ACAP1: variants seen among roughly 807,000 people sequenced by gnomAD.
The protein encoded by ACAP1 is arf-GAP with coiled-coil, ANK repeat and PH domain-containing protein 1.
ACAP1 carries 45 observed loss-of-function variants against 98.8 expected under a neutral mutation model. The ratio of observed to expected loss-of-function variants is 0.46; its 90% CI spans 0.36 to 0.58. ACAP1 has a LOEUF of 0.58. Among genes scored for constraint, ACAP1 ranks in the 20% least tolerant of loss-of-function variants. The pLI, the probability that ACAP1 is intolerant of heterozygous loss-of-function variation, is 0.00. For synonymous variants in ACAP1, 362 were observed against 375.3 expected (o/e 0.96, Z 0.41); for missense variants, 735 against 971.4 (o/e 0.76, Z 3.24).
At chr17:7,351,055 GGTCCACGGTGA>G (rs1431130667) in intron 21 of ACAP1, 56 bp downstream of exon 21, 1 of 1,544,776 alleles carries the variant, frequency 6.5e-7, no homozygotes, top group Non-Finnish European at 8.9e-7. Context: ...CTGGGCTTCT[GGTCCACGGTGA>G]CCTCTCTCCC....
chr17:7,340,395 C>T (rs1043472942), intron 2 of ACAP1, among the ~76,000 whole-genome samples: 2 of 152,200 alleles, frequency 1.3e-5, no homozygotes, highest in African/African-American at 4.8e-5. Context: ...CAGTCTGTCA[C>T]TAGTCCAGTG....
rs1311611701 is a variant in ACAP1, at chr17:7,350,021, C to T, written c.1928C>T (p.Pro643Leu). 1.2e-6 allele frequency: 2 copies of T among 1,613,426 alleles called. No homozygotes were observed. The highest frequency in any genetic ancestry group is 2.7e-5 in the African/African-American group (2 of 75,024). Reference sequence around the variant, plus strand: ...CAAGCGGACAGTGCGGGCCGGGGCCCGCTGCACCACGCAACCATTCTTGGC... The same window carrying T: ...CAAGCGGACAGTGCGGGCCGGGGCCTGCTGCACCACGCAACCATTCTTGGC... ...VNQADSAGRGPLHHATILGHT... is the reference protein window; with the variant it reads ...VNQADSAGRGLLHHATILGHT... Residue 643 changes from proline (P) to leucine (L), a missense_variant, in exon 19 of 22, where the codon CCG becomes CTG. Around this residue, in one of 5 missense-constraint regions of ACAP1, gnomAD observed 142 missense variants for 224.1 expected, o/e 0.63. Coordinates refer to ENST00000158762, the MANE Select transcript of ACAP1 (RefSeq NM_014716.4). This position sits in a 1 kb window ranked among gnomAD's most constrained non-coding sequence, Gnocchi z 4.6.
rs757679021 is a variant in ACAP1 at position 7,350,994 on chromosome 17, A to T, written c.2117A>T (p.Gln706Leu). 2 of 1,613,506 alleles carry T rather than the reference A, an allele frequency of 1.2e-6. No individual in the cohort carries two copies. Among genetic ancestry groups the T allele is most frequent in the East Asian group, 2.2e-5 (1 of 44,848 alleles). ...AGGGAGGCTGAAGCGGCCCAGGGGC[A>T]GGCAGGTAAAGAATACACCCACCCC... ...KMREAEAAQG[Q>L]AGDETYLDIF... The change falls in exon 21 of 22, where the codon CAG becomes CTG. Residue 706 changes from glutamine to leucine, a missense_variant. Coordinates refer to ENST00000158762, the MANE Select transcript of ACAP1 (RefSeq NM_014716.4). This position sits in a 1 kb window ranked among gnomAD's most constrained non-coding sequence, Gnocchi z 4.6.
In ACAP1 at chr17:7,351,012, C is replaced by A; in HGVS notation, c.2122+13C>A. 1 of 1,612,038 alleles carries A rather than the reference C, an allele frequency of 6.2e-7. No homozygotes were observed. Among genetic ancestry groups the A allele is most frequent in the Non-Finnish European group, 8.5e-7 (1 of 1,178,186 alleles). The stretch of plus-strand genomic sequence containing the variant: ...CAGGGGCAGGCAGGTAAAGAATACA[C>A]CCACCCCACCCCCCAGGCCCAACAC... On this transcript the variant is annotated intron_variant, in intron 21 of 21. Transcript: ENST00000158762.
chr17:7,350,087 A>G lies in ACAP1; in HGVS notation c.1961+33A>G, dbSNP rs1333436372. ...TGATGGCATGGGGAGGAAGGCTGGGAGAAGTTGGGCGGCCGGCTGACCCTG... is the reference window on the plus strand; with the variant it reads ...TGATGGCATGGGGAGGAAGGCTGGGGGAAGTTGGGCGGCCGGCTGACCCTG... On this transcript the variant is annotated intron_variant, in intron 19 of 21. Coordinates refer to ENST00000158762, the MANE Select transcript of ACAP1 (RefSeq NM_014716.4). The surrounding 1 kb of genome is among the most constrained non-coding windows in gnomAD (Gnocchi z 4.6). The G allele has an allele frequency of 6.2e-7, 1 of 1,613,110 alleles. No individual in the cohort carries two copies. Among genetic ancestry groups the G allele is most frequent in the Non-Finnish European group, 8.5e-7 (1 of 1,179,222 alleles).
intron 14 of ACAP1, 44 bp from the exon 15 acceptor site, chr17:7,347,878 T>C (rs1461709105): frequency 6.4e-7 from 1 of 1,555,620 alleles, no homozygotes; most frequent in South Asian, 1.1e-5. Context: ...CCCAGGCCAC[T>C]GCCCCCCTGC....
At position 7,344,997 on chromosome 17, in the gene ACAP1, T is replaced by C. The variant is rs959399722; in HGVS notation, c.854+349T>C. 7.2e-5 allele frequency among the ~76,000 whole-genome samples: 11 copies of C among 152,076 alleles called. No individual in the cohort carries two copies. Among genetic ancestry groups the C allele is most frequent in the Non-Finnish European group, 1.3e-4 (9 of 68,002 alleles). ...AGTTCTAGACAGAAGAAAGAGCCAGTGCCAAGGCCCTGAGATAGCTGGGGA... is the reference window on the plus strand; with the variant it reads ...AGTTCTAGACAGAAGAAAGAGCCAGCGCCAAGGCCCTGAGATAGCTGGGGA... On this transcript the variant is annotated intron_variant, in intron 10 of 21. Transcript: ENST00000158762. The surrounding 1 kb of genome is among the most constrained non-coding windows in gnomAD (Gnocchi z 4.9).
chr17:7,347,908 C>G lies in ACAP1; in HGVS notation c.1344-14C>G, dbSNP rs751617582. 1.9e-6 allele frequency: 3 copies of G among 1,613,280 alleles called. No homozygotes were observed. The highest frequency in any genetic ancestry group is 1.7e-5 in the Admixed American group (1 of 60,034). On this transcript the variant is annotated splice_polypyrimidine_tract_variant and intron_variant, in intron 14 of 21. Transcript: ENST00000158762. ...CCCTGCACAGGGCCTGACCCTCCCCCTCTGGCCCTCCAGGAGCCTTGGTGT... is the reference window on the plus strand; with the variant it reads ...CCCTGCACAGGGCCTGACCCTCCCCGTCTGGCCCTCCAGGAGCCTTGGTGT...
intron 2 of ACAP1, among the ~76,000 whole-genome samples, chr17:7,340,177 T>C (rs1209780449): frequency 6.6e-6 from 1 of 151,866 alleles, no homozygotes; most frequent in Admixed American, 6.6e-5. Context: ...GAAGCTAAGA[T>C]TGGAGGATCC....
intron 2 of ACAP1, among the ~76,000 whole-genome samples, chr17:7,339,559 G>A (rs1450015987): frequency 6.6e-6 from 1 of 152,048 alleles, no homozygotes; most frequent in Non-Finnish European, 1.5e-5. Flanking sequence ...GCAGTGAGCC[G>A]AGATCACGCC....
chr17:7,344,614 A>C lies in ACAP1; in HGVS notation c.820A>C (p.Lys274Gln). The change falls in exon 10 of 22, where the codon AAA (lysine) becomes CAA (glutamine). Residue 274 changes from lysine to glutamine, a missense_variant. Lys to Gln is a moderately conservative substitution (Grantham distance 53). This residue lies in a region of ACAP1 where 430 missense variants were observed against 531.8 expected (regional missense o/e 0.81). Transcript: ENST00000158762. This position sits in a 1 kb window ranked among gnomAD's most constrained non-coding sequence, Gnocchi z 4.9. ...CCTGGTGATGGAAGGACATCTCTTCAAACGGGCCAGCAACGCATTTAAGAC... is the reference window on the plus strand; with the variant it reads ...CCTGGTGATGGAAGGACATCTCTTCCAACGGGCCAGCAACGCATTTAAGAC... ...GGLVMEGHLF[K>Q]RASNAFKTWS... 6.4e-7 allele frequency: 1 copy of C among 1,551,556 alleles called. No individual in the cohort carries two copies. The highest frequency in any genetic ancestry group is 8.7e-7 in the Non-Finnish European group (1 of 1,146,964).
chr17:7,347,093 A>G lies in ACAP1; in HGVS notation c.1194A>G (p.Gly398=). ...ATLGSGGMAR[G]REPGGVGHVV... The stretch of plus-strand genomic sequence containing the variant: ...TGGGCTCTGGTGGAATGGCCAGGGG[A>G]AGGGAGCCTGGGGGAGTCGGGCACG... Residue 398 remains glycine, a synonymous_variant, in exon 14 of 22, where the codon GGA becomes GGG. Transcript: ENST00000158762. 1.2e-6 allele frequency: 2 copies of G among 1,612,884 alleles called. No homozygotes were observed. The highest frequency in any genetic ancestry group is 1.1e-5 in the South Asian group (1 of 90,992).
At chr17:7,342,571 A>T (rs1453266637) in intron 5 of ACAP1, 97 bp downstream of exon 5, 7 of 1,337,830 alleles carry the variant, frequency 5.2e-6, no homozygotes, top group African/African-American at 1.4e-5. Flanking sequence ...TTGGACACCA[A>T]CCTAGCCAAC....
chr17:7,341,208 T>C (rs1419768247), intron 2 of ACAP1, among the ~76,000 whole-genome samples: 1 of 152,256 alleles, frequency 6.6e-6, no homozygotes, highest in Non-Finnish European at 1.5e-5. Context: ...TGGAGTGCAG[T>C]AGCGCCATCT....
In ACAP1 at chr17:7,346,863, G is replaced by T; in HGVS notation, c.1063G>T (p.Val355Leu). 6.2e-7 allele frequency: 1 copy of T among 1,613,674 alleles called. No individual in the cohort carries two copies. The change falls in exon 13 of 22, where the codon GTG (valine) becomes TTG (leucine). Residue 355 changes from valine (V) to leucine (L), a missense_variant. Physicochemically the swap from Val to Leu is conservative, Grantham distance 32. Transcript: ENST00000158762. ...CCTCCTGCAGCTGTGGGTCAGTGCT[G>T]TGCAGAGCAGCATTGCTTCTGCCTT... is the stretch of plus-strand genomic sequence containing the variant. Reference protein sequence around the residue: ...ERLLQLWVSAVQSSIASAFSQ... With the variant: ...ERLLQLWVSALQSSIASAFSQ...
Position 7,347,189 on chromosome 17 carries a change from G to A in ACAP1, c.1290G>A (p.Trp430Ter). The change falls in exon 14 of 22, where the codon TGG (tryptophan) becomes TGA (stop). Residue 430 changes from tryptophan (W) to a stop codon, truncating the protein, a stop_gained. Transcript: ENST00000158762. LOFTEE classifies it high-confidence loss of function. ...CCDCREPAPE[W>*]ASINLGVTLC... is the part of the protein sequence containing the mutation. ...ACTGCCGGGAGCCAGCCCCGGAGTGGGCCAGCATCAACCTTGGTGTCACCC... is the reference window on the plus strand; with the variant it reads ...ACTGCCGGGAGCCAGCCCCGGAGTGAGCCAGCATCAACCTTGGTGTCACCC... The A allele has an allele frequency of 6.2e-7, 1 of 1,614,086 alleles. No homozygotes were observed. The highest frequency in any genetic ancestry group is 8.5e-7 in the Non-Finnish European group (1 of 1,179,958).
intron 17 of ACAP1, 87 bp downstream of exon 17, chr17:7,348,562 C>T (rs2073370798): frequency 1.5e-6 from 2 of 1,367,674 alleles, no homozygotes; most frequent in East Asian, 5.2e-5. Context: ...AGTGTGAAGC[C>T]CAGGCCTTCC....
In ACAP1 at chr17:7,350,295, C is replaced by A; in HGVS notation, c.2072+58C>A. 2 of 1,431,754 alleles carry A rather than the reference C, an allele frequency of 1.4e-6. No individual in the cohort carries two copies. Among genetic ancestry groups the A allele is most frequent in the Non-Finnish European group, 1.9e-6 (2 of 1,031,298 alleles). The allele number at this position is 1,431,754 out of a possible 1,614,324, so 88.7% of individuals were successfully genotyped here. Reference sequence around the variant, plus strand: ...GGGACTCCCCCCACCCCCGCCCACCCACGTTCGGGCGGGCGGGCGGGGCTG... The same window carrying A: ...GGGACTCCCCCCACCCCCGCCCACCAACGTTCGGGCGGGCGGGCGGGGCTG... On this transcript the variant is annotated intron_variant, in intron 20 of 21. Transcript: ENST00000158762. This position sits in a 1 kb window ranked among gnomAD's most constrained non-coding sequence, Gnocchi z 4.6.
chr17:7,340,259 C>T (rs531483731), intron 2 of ACAP1, among the ~76,000 whole-genome samples: 4 of 152,102 alleles, frequency 2.6e-5, no homozygotes, highest in African/African-American at 7.2e-5. Context: ...GCGACAGAGA[C>T]CTCAACTCTA....
Sources: gnomAD v4.1 joint callset for allele counts (sites outside exome capture counted in the v4.1 genomes callset) on GRCh38, gnomAD v4.1.1 for gene constraint, gnomAD v4.1.1 regional missense constraint, Gnocchi (gnomAD v3.1) non-coding constraint, MANE v1.5 for transcripts, NCBI Gene and HGNC (gene_info 2026-07-23, HGNC 2026-07-21) for gene names.